Variants in TMEM132B observed in about 807,000 individuals in gnomAD.
TMEM132B encodes the protein transmembrane protein 132B.
In TMEM132B, 18 loss-of-function variants were observed where a neutral mutation model predicts 90.8. The observed-to-expected ratio is 0.20, with a 90% confidence interval of 0.14 to 0.29. The LOEUF is 0.29. TMEM132B is among the 10% of genes least tolerant of loss of function. The pLI, the probability that TMEM132B is intolerant of heterozygous loss-of-function variation, is 1.00. For synonymous variants in TMEM132B, 504 were observed against 523.3 expected (o/e 0.96, Z 0.50); for missense variants, 1,096 against 1,326.8 (o/e 0.83, Z 2.70).
chr12:125,310,695 G>A (rs1455677259), intron 1 of TMEM132B, among the ~76,000 whole-genome samples: 5 of 152,154 alleles, frequency 3.3e-5, no homozygotes, highest in Admixed American at 1.3e-4. Flanking sequence ...CATGGCAACC[G>A]TAGCCAGCCA....
At chr12:125,495,226 A>G (rs1279150740) in intron 3 of TMEM132B, among the ~76,000 whole-genome samples, 7 of 53,472 alleles carry the variant, frequency 1.3e-4, no homozygotes, top group Admixed American at 2.7e-4. Context: ...CTCCTCCCTG[A>G]AAATGGCCGT....
chr12:125,494,190 C>T (rs191900090), intron 3 of TMEM132B, among the ~76,000 whole-genome samples: 10 of 133,898 alleles, frequency 7.5e-5, no homozygotes, highest in Non-Finnish European at 1.4e-4. Context: ...TCCTCCCCCT[C>T]CTCCCTGGAA....
chr12:125,388,225 C>T (rs1333658116), intron 2 of TMEM132B, among the ~76,000 whole-genome samples: 1 of 152,088 alleles, frequency 6.6e-6, no homozygotes, highest in Non-Finnish European at 1.5e-5. Flanking sequence ...GTGGGGAGTT[C>T]AAGACCAGCC....
intron 5 of TMEM132B, among the ~76,000 whole-genome samples, chr12:125,637,216 G>A (rs967363671): frequency 3.3e-5 from 5 of 152,110 alleles, no homozygotes; most frequent in Admixed American, 2.0e-4. Context: ...TTTTGTCTCC[G>A]ATTTTTATCA....
At chr12:125,523,025 G>C (rs1052852174) in intron 4 of TMEM132B, among the ~76,000 whole-genome samples, 8 of 152,174 alleles carry the variant, frequency 5.3e-5, no homozygotes, top group African/African-American at 1.9e-4. Context: ...TGTTTTGCTT[G>C]CTGGATGTTT....
At chr12:125,563,809 A>T (rs530543179) in intron 4 of TMEM132B, among the ~76,000 whole-genome samples, 1 of 152,196 alleles carries the variant, frequency 6.6e-6, no homozygotes, top group East Asian at 1.9e-4. Flanking sequence ...GAAGAAGGCC[A>T]TGTGAAGATG....
At chr12:125,272,318 C>A (rs916996199) in intron 1 of TMEM132B, among the ~76,000 whole-genome samples, 1 of 152,272 alleles carries the variant, frequency 6.6e-6, no homozygotes, top group Non-Finnish European at 1.5e-5. Flanking sequence ...CTTGGGATAC[C>A]TTTTGGGGGG....
chr12:125,272,212 C>T (rs1874856506), intron 1 of TMEM132B, among the ~76,000 whole-genome samples: 1 of 152,224 alleles, frequency 6.6e-6, no homozygotes, highest in African/African-American at 2.4e-5. Context: ...TGTAAATCAT[C>T]TTCCACATTG....
At position 125,221,491 on chromosome 12, in the gene TMEM132B, T is replaced by A. The variant is rs1387287267; in HGVS notation, c.67+34625T>A. Among the ~76,000 whole-genome samples the A allele has an allele frequency of 3.3e-5, 5 of 152,302 alleles. No homozygotes were observed. In the East Asian group the frequency reaches 5.8e-4, roughly 18 times the overall value. The stretch of plus-strand genomic sequence containing the variant: ...GAAAAATGTTTGAGATCTGAAAAAG[T>A]TATTGGTTCTAAGATCTGAAAAGAA... On this transcript the variant is annotated intron_variant, in intron 1 of 8. Transcript: ENST00000682704.
rs560349095 is a variant in TMEM132B, at chr12:125,586,072, A to T, written c.1437+2078A>T. On this transcript the variant is annotated intron_variant, in intron 5 of 8. Coordinates refer to ENST00000682704, the MANE Select transcript of TMEM132B (RefSeq NM_001366854.1). The stretch of plus-strand genomic sequence containing the variant: ...AGAGCTATGACCTTGGCATCATCCC[A>T]GGGACATCCTCAAATACATGGCACA... The T allele has an allele frequency of 2.6e-5, 4 of 152,350 alleles. No homozygotes were observed. In the East Asian group the frequency reaches 7.7e-4, roughly 29 times the overall value. The allele number at this position is 152,350 out of a possible 1,614,324, so 9.4% of individuals were successfully genotyped here.
At chr12:125,294,196 T>G (rs1436794024) in intron 1 of TMEM132B, among the ~76,000 whole-genome samples, 1 of 152,238 alleles carries the variant, frequency 6.6e-6, no homozygotes, top group African/African-American at 2.4e-5. Flanking sequence ...CAAGCTCCTG[T>G]GAGCTATAAT....
chr12:125,563,935 C>T (rs898344841), intron 4 of TMEM132B, among the ~76,000 whole-genome samples: 5 of 152,178 alleles, frequency 3.3e-5, no homozygotes, highest in East Asian at 1.9e-4. Flanking sequence ...AAGTGTGGCC[C>T]TGCTGACACC....
intron 5 of TMEM132B, among the ~76,000 whole-genome samples, chr12:125,610,695 A>G (rs1489311465): frequency 1.3e-5 from 2 of 152,034 alleles, no homozygotes; most frequent in African/African-American, 2.4e-5. Context: ...TATTATATAA[A>G]CCAATGACAA....
intron 1 of TMEM132B, among the ~76,000 whole-genome samples, chr12:125,293,251 T>TATA (rs1201182071): frequency 6.6e-6 from 1 of 152,260 alleles, no homozygotes; most frequent in Non-Finnish European, 1.5e-5. Flanking sequence ...ATTACTTTAT[T>TATA]GAGTCAATTC....
chr12:125,535,889 C>T (rs994512776), intron 4 of TMEM132B, among the ~76,000 whole-genome samples: 17 of 152,158 alleles, frequency 1.1e-4, no homozygotes, highest in Admixed American at 3.9e-4. Context: ...AAACCAAAGG[C>T]GGCTGAACAC....
At chr12:125,559,911 C>T (rs1884478296) in intron 4 of TMEM132B, among the ~76,000 whole-genome samples, 1 of 152,122 alleles carries the variant, frequency 6.6e-6, no homozygotes, top group African/African-American at 2.4e-5. Flanking sequence ...GAGACAGGAA[C>T]CTGTGGGCAG....
intron 1 of TMEM132B, among the ~76,000 whole-genome samples, chr12:125,295,897 G>A (rs534682204): frequency 7.9e-5 from 12 of 152,176 alleles, no homozygotes; most frequent in Non-Finnish European, 1.6e-4. Context: ...GCACTGTGGC[G>A]AAATAGCTCT....
intron 3 of TMEM132B, among the ~76,000 whole-genome samples, chr12:125,448,049 T>G (rs1359497245): frequency 6.6e-6 from 1 of 152,172 alleles, no homozygotes; most frequent in East Asian, 1.9e-4. Flanking sequence ...GTGGGTCACC[T>G]GAGGTCAGGA....
At chr12:125,236,938 G>T (rs895764093) in intron 1 of TMEM132B, among the ~76,000 whole-genome samples, 1 of 152,252 alleles carries the variant, frequency 6.6e-6, no homozygotes, top group Non-Finnish European at 1.5e-5. Context: ...TGCGGGAGCA[G>T]GAGTGGAGCA....
Sources: gnomAD v4.1 joint callset for allele counts (sites outside exome capture counted in the v4.1 genomes callset) on GRCh38, gnomAD v4.1.1 for gene constraint, MANE v1.5 for transcripts, NCBI Gene and HGNC (gene_info 2026-07-23, HGNC 2026-07-21) for gene names.